Variants in FAAH2 observed in about 807,000 individuals in gnomAD.
The protein encoded by FAAH2 is fatty acid amide hydrolase 2.
In FAAH2, 60 loss-of-function variants were observed where a neutral mutation model predicts 36.9. The observed-to-expected ratio is 1.63, with a 90% CI of 1.32 to 2.02. The LOEUF is 2.02. Among genes scored for constraint, FAAH2 ranks in the 30% most tolerant of loss-of-function variants. FAAH2 has a pLI of 0.00. For missense variants in FAAH2, 689 were observed against 397.5 expected (o/e 1.73, Z -6.23); for synonymous variants, 214 against 143.8 (o/e 1.49, Z -3.49).
intron 2 of FAAH2, among the ~76,000 whole-genome samples, chrX:57,300,703 C>A (rs1452604763): frequency 9.0e-6 from 1 of 111,463 alleles, no homozygotes. Flanking sequence ...TTTTTTGCAA[C>A]CTACTCATCT....
At chrX:57,416,580 G>A (rs1425799600) in intron 7 of FAAH2, among the ~76,000 whole-genome samples, 8 of 112,125 alleles carry the variant, frequency 7.1e-5, no homozygotes, top group Non-Finnish European at 1.5e-4. Flanking sequence ...GGCTTGCAGG[G>A]TTTCTGCAGA....
At chrX:57,133,495 C>A in the FAAH2 span, among the ~76,000 whole-genome samples, 1 of 111,676 alleles carries the variant, frequency 9.0e-6, no homozygotes, top group Non-Finnish European at 1.9e-5. Context: ...AGCAGGCCAG[C>A]TGGGGGTGTG....
the FAAH2 span, among the ~76,000 whole-genome samples, chrX:57,231,466 AT>A: frequency 9.0e-6 from 1 of 111,189 alleles, no homozygotes; most frequent in Non-Finnish European, 1.9e-5. Flanking sequence ...TATTTTGCCT[AT>A]TTTTTAGCTT....
chrX:57,142,465 G>T, the FAAH2 span, among the ~76,000 whole-genome samples: 1 of 112,178 alleles, frequency 8.9e-6, no homozygotes, highest in African/African-American at 3.2e-5. Context: ...AGTTAGAAAA[G>T]ATACTTGATA....
At chrX:57,444,239 A>G (rs973631224) in intron 8 of FAAH2, among the ~76,000 whole-genome samples, 16 of 112,066 alleles carry the variant, frequency 1.4e-4, no homozygotes, top group African/African-American at 3.9e-4. Context: ...GGCTTCCTTG[A>G]GCTGTGGTGG....
the FAAH2 span, among the ~76,000 whole-genome samples, chrX:57,151,548 G>A: frequency 2.6e-4 from 29 of 111,259 alleles, 1 homozygote; most frequent in South Asian, 9.3e-3. Context: ...TCCAGTGATC[G>A]CATCGGCTCC....
In FAAH2 at chrX:57,486,784, G is replaced by T. The variant is rs755806235; in HGVS notation, c.1424-1973G>T. 1.1e-4 allele frequency among the ~76,000 whole-genome samples: 12 copies of T among 111,715 alleles called. No homozygotes were observed. The South Asian group carries it at 4.2e-3, about 39-fold the overall frequency. ...GTTACAGCTTGAGAGAGGGTGATGCGAAATGAAACCATTCCTCTTACCCTT... is the reference window on the plus strand; with the variant it reads ...GTTACAGCTTGAGAGAGGGTGATGCTAAATGAAACCATTCCTCTTACCCTT... On this transcript the variant is annotated intron_variant, in intron 10 of 10. Transcript: ENST00000374900.
intron 10 of FAAH2, among the ~76,000 whole-genome samples, chrX:57,481,509 G>C (rs1041373765): frequency 2.7e-5 from 3 of 111,904 alleles, no homozygotes; most frequent in Non-Finnish European, 3.8e-5. Context: ...TCTTCTGCAG[G>C]TCTGCTGCGG....
In FAAH2 at chrX:57,378,777, G is replaced by C. The variant is rs142771015; in HGVS notation, c.869G>C (p.Gly290Ala). ...ATGTTGAAGGTCATGGCAGGACCTG[G>C]GATCAAAAGGTATGTTCATTTATTT... ...APMLKVMAGP[G>A]IKRLKLDTKV... The change falls in exon 6 of 11, where the codon GGG becomes GCG. Residue 290 changes from glycine (G) to alanine (A), a missense_variant. Transcript: ENST00000374900. 6.6e-6 allele frequency: 8 copies of C among 1,204,945 alleles called. No individual in the cohort carries two copies. In the African/African-American group the frequency reaches 8.8e-5, roughly 13 times the overall value.
chrX:57,286,598 T>C, upstream of FAAH2: 2 of 306,228 alleles, frequency 6.5e-6, no homozygotes, highest in Non-Finnish European at 1.1e-5. Flanking sequence ...ACAACAGCAC[T>C]AACGACAGGT....
the FAAH2 span, among the ~76,000 whole-genome samples, chrX:57,141,066 G>T: frequency 8.9e-6 from 1 of 112,118 alleles, no homozygotes; most frequent in Non-Finnish European, 1.9e-5. Flanking sequence ...TATGATGCTA[G>T]CTGTGTTTGT....
chrX:57,189,426 C>A, the FAAH2 span, among the ~76,000 whole-genome samples: 1 of 109,614 alleles, frequency 9.1e-6, no homozygotes, highest in African/African-American at 3.3e-5. Flanking sequence ...GTTTTGTGCC[C>A]ATGCTGGAGA....
chrX:57,150,828 G>A, the FAAH2 span, among the ~76,000 whole-genome samples: 19 of 111,751 alleles, frequency 1.7e-4, no homozygotes, highest in East Asian at 5.6e-4. Flanking sequence ...TATTTTGCTC[G>A]TTAGTTGATG....
intron 3 of FAAH2, among the ~76,000 whole-genome samples, chrX:57,314,774 C>T (rs375914903): frequency 3.6e-5 from 4 of 110,879 alleles, no homozygotes; most frequent in Admixed American, 9.7e-5. Context: ...GTCATTAAGG[C>T]GCCACTCAAG....
At chrX:57,487,296 TA>T (rs765126527) in intron 10 of FAAH2, among the ~76,000 whole-genome samples, 16,065 of 102,452 alleles carry the variant, frequency 0.16, 1,196 homozygotes, top group Non-Finnish European at 0.22. Context: ...TTGCCAAAAT[TA>T]AAAAAAAAAA....
At chrX:57,238,851 C>T in the FAAH2 span, among the ~76,000 whole-genome samples, 332 of 110,978 alleles carry the variant, frequency 3.0e-3, no homozygotes, top group African/African-American at 0.01. Context: ...TTTGTGTACA[C>T]GTGTATTCAA....
At position 57,305,259 on chromosome X, in the gene FAAH2, A is replaced by T. The variant is rs12008692; in HGVS notation, c.276-5334A>T. On this transcript the variant is annotated intron_variant, in intron 2 of 10. Coordinates refer to ENST00000374900, the MANE Select transcript of FAAH2 (RefSeq NM_174912.4). Reference sequence around the variant, plus strand: ...CTTGACACCTCTACCAGGAAGTCACATGGGCACCAAAAGTCAAAATAATTA... The same window carrying T: ...CTTGACACCTCTACCAGGAAGTCACTTGGGCACCAAAAGTCAAAATAATTA... 4.7e-3 allele frequency among the ~76,000 whole-genome samples: 520 copies of T among 111,233 alleles called. 3 individuals are homozygous for T. The highest frequency in any genetic ancestry group is 0.016 in the African/African-American group (490 of 30,652).
intron 10 of FAAH2, among the ~76,000 whole-genome samples, chrX:57,450,092 A>T (rs1395304763): frequency 9.0e-6 from 1 of 111,372 alleles, no homozygotes; most frequent in Non-Finnish European, 1.9e-5. Flanking sequence ...CCAAGGAGAA[A>T]TATACTGTTT....
intron 7 of FAAH2, among the ~76,000 whole-genome samples, chrX:57,424,284 G>A (rs967188100): frequency 8.9e-6 from 1 of 112,139 alleles, no homozygotes; most frequent in African/African-American, 3.2e-5. Context: ...CTCTGGGGCT[G>A]AGCATAGAAC....
Sources: allele counts gnomAD v4.1 joint callset (sites outside exome capture counted in the v4.1 genomes callset), GRCh38; gene constraint gnomAD v4.1.1; transcripts MANE v1.5; gene names NCBI Gene and HGNC (gene_info 2026-07-23, HGNC 2026-07-21).